The following FZD3 variants were observed in gnomAD, a reference collection of about 807,000 sequenced individuals.
The protein encoded by FZD3 is frizzled-3.
A neutral mutation model predicts 60.7 loss-of-function variants in FZD3; 30 were observed. That is an observed-to-expected ratio of 0.49 (90% CI 0.37 to 0.67). The LOEUF is 0.67. Among genes scored for constraint, FZD3 ranks in the 30% least tolerant of loss-of-function variants. The probability of loss-of-function intolerance (pLI) is 0.00; values close to 1 mark genes in which losing one functional copy is unlikely to be tolerated. For synonymous variants in FZD3, 246 were observed against 275.2 expected (o/e 0.89, Z 1.05); for missense variants, 605 against 838.7 (o/e 0.72, Z 3.44).
intron 7 of FZD3, among the ~76,000 whole-genome samples, chr8:28,562,131 G>A (rs1805623887): frequency 6.6e-6 from 1 of 152,190 alleles, no homozygotes; most frequent in African/African-American, 2.4e-5. Context: ...AGGTTACAGA[G>A]TGTTAGGATG....
intron 5 of FZD3, among the ~76,000 whole-genome samples, chr8:28,531,176 T>A (rs1349231269): frequency 6.7e-6 from 1 of 149,696 alleles, no homozygotes; most frequent in Non-Finnish European, 1.5e-5. Flanking sequence ...ATAAATACGG[T>A]ATTTTTCATT....
At chr8:28,545,154 A>G (rs1427670233) in intron 5 of FZD3, among the ~76,000 whole-genome samples, 1 of 152,226 alleles carries the variant, frequency 6.6e-6, no homozygotes, top group Non-Finnish European at 1.5e-5. Context: ...TTCCAACCAT[A>G]TGTAGCAACC....
chr8:28,524,077 T>C (rs1804654126), intron 4 of FZD3, among the ~76,000 whole-genome samples: 1 of 152,056 alleles, frequency 6.6e-6, no homozygotes, highest in Admixed American at 6.6e-5. Context: ...AAGAAATAAA[T>C]CCCTGGTTTT....
chr8:28,511,208 CG>C (rs1804279601), intron 3 of FZD3, among the ~76,000 whole-genome samples: 1 of 151,888 alleles, frequency 6.6e-6, no homozygotes, highest in Non-Finnish European at 1.5e-5. Context: ...AAAAGTTGGC[CG>C]GGCACAGTGG....
At chr8:28,538,969 G>C (rs1432376460) in intron 5 of FZD3, among the ~76,000 whole-genome samples, 1 of 151,902 alleles carries the variant, frequency 6.6e-6, no homozygotes, top group African/African-American at 2.4e-5. Flanking sequence ...AATAAACATG[G>C]AAATCAGATG....
intron 1 of FZD3, among the ~76,000 whole-genome samples, chr8:28,498,211 A>G (rs1803894549): frequency 6.6e-6 from 1 of 152,178 alleles, no homozygotes. Context: ...ACTGTTGCAT[A>G]GCATTCACTT....
At chr8:28,553,141 C>T (rs1444220949) in intron 6 of FZD3, among the ~76,000 whole-genome samples, 3 of 152,114 alleles carry the variant, frequency 2.0e-5, no homozygotes, top group Non-Finnish European at 4.4e-5. Flanking sequence ...TCTGAGACTG[C>T]TACTAGTGAT....
chr8:28,574,141 G>A lies in FZD3; in HGVS notation c.*11130G>A, dbSNP rs904919931. 3 of 152,138 alleles carry A rather than the reference G, an allele frequency of 2.0e-5. No homozygotes were observed. The highest frequency in any genetic ancestry group is 7.2e-5 in the African/African-American group (3 of 41,454). 9.4% of individuals were successfully genotyped at this position (152,138 alleles called of 1,614,324 possible). ...TTTTGTTTACAGTAGACTGATGTCA[G>A]TTTTTGTAAATGTTTTTTCTTAGCA... is the stretch of plus-strand genomic sequence containing the variant. On this transcript the variant is annotated 3_prime_UTR_variant, in exon 8 of 8. Transcript: ENST00000240093.
rs763583700 is a variant in FZD3 at position 28,562,979 on chromosome 8, C to T, written c.1969C>T (p.Arg657Trp). Residue 657 changes from arginine (R) to tryptophan (W), a missense_variant, in exon 8 of 8, where the codon CGG becomes TGG. Physicochemically the swap from Arg to Trp is moderately radical, Grantham distance 101. Transcript: ENST00000240093. ...THITHGTSMN[R>W]VIEEDGTSA ...TATCACACATGGCACCAGCATGAAT[C>T]GGGTTATTGAAGAAGATGGAACCAG... The T allele has an allele frequency of 3.7e-6, 6 of 1,613,044 alleles. No homozygotes were observed. The highest frequency in any genetic ancestry group is 3.3e-5 in the Admixed American group (2 of 60,018).
chr8:28,500,699 A>G (rs1055283052), intron 2 of FZD3, among the ~76,000 whole-genome samples: 2 of 152,204 alleles, frequency 1.3e-5, no homozygotes, highest in Admixed American at 6.5e-5. Context: ...AGTGATATGC[A>G]TAATTGTTAC....
At position 28,556,691 on chromosome 8, in the gene FZD3, A is replaced by ACT. The variant is rs1259484825; in HGVS notation, c.1787+720_1787+721insCT. ...TATTTGAGTCTGCTGTTGTAGCATG[A>ACT]AAGCAGTCATAGACAATATGTAGTC... On this transcript the variant is annotated intron_variant, in intron 7 of 7. Transcript: ENST00000240093. Among the ~76,000 whole-genome samples the ACT allele has an allele frequency of 4.7e-3, 721 of 152,352 alleles. 24 individuals are homozygous for ACT. In the East Asian group the frequency reaches 0.091, roughly 19 times the overall value.
chr8:28,534,339 C>T (rs1453685235), intron 5 of FZD3, among the ~76,000 whole-genome samples: 1 of 152,158 alleles, frequency 6.6e-6, no homozygotes, highest in Non-Finnish European at 1.5e-5. Flanking sequence ...GTAACTTTTT[C>T]ATCTTTTCAA....
chr8:28,498,285 C>G (rs1803898306), intron 1 of FZD3, among the ~76,000 whole-genome samples: 1 of 151,248 alleles, frequency 6.6e-6, no homozygotes, highest in African/African-American at 2.4e-5. Flanking sequence ...GGTCCCCCCC[C>G]TTTTTTTTTC....
intron 7 of FZD3, among the ~76,000 whole-genome samples, chr8:28,557,986 T>C (rs2130469588): frequency 6.6e-6 from 1 of 152,338 alleles, no homozygotes; most frequent in Non-Finnish European, 1.5e-5. Flanking sequence ...CACTTCTACA[T>C]TGAATAGGAT....
At chr8:28,557,985 A>G (rs904813555) in intron 7 of FZD3, among the ~76,000 whole-genome samples, 4 of 152,236 alleles carry the variant, frequency 2.6e-5, no homozygotes, top group Non-Finnish European at 4.4e-5. Context: ...GCACTTCTAC[A>G]TTGAATAGGA....
At chr8:28,548,908 T>G (rs1397253798) in intron 5 of FZD3, among the ~76,000 whole-genome samples, 1 of 152,230 alleles carries the variant, frequency 6.6e-6, no homozygotes, top group Non-Finnish European at 1.5e-5. Flanking sequence ...AGATCATTTC[T>G]CTTATTAAAT....
intron 4 of FZD3, among the ~76,000 whole-genome samples, chr8:28,522,072 T>C (rs540303625): frequency 6.6e-5 from 10 of 152,154 alleles, no homozygotes; most frequent in African/African-American, 2.4e-4. Flanking sequence ...CAGTGACATT[T>C]AATGAAACCA....
chr8:28,535,176 TA>T (rs1033298219), intron 5 of FZD3, among the ~76,000 whole-genome samples: 33 of 152,334 alleles, frequency 2.2e-4, no homozygotes, highest in African/African-American at 7.9e-4. Context: ...TGGCTGGGTG[TA>T]AAGTATTTTA....
intron 1 of FZD3, among the ~76,000 whole-genome samples, chr8:28,496,276 G>A (rs1284922933): frequency 2.0e-5 from 3 of 152,150 alleles, no homozygotes; most frequent in African/African-American, 7.2e-5. Flanking sequence ...TAGTTTGATA[G>A]TGAAACTCTA....
Sources: allele counts gnomAD v4.1 joint callset (sites outside exome capture counted in the v4.1 genomes callset), GRCh38; gene constraint gnomAD v4.1.1; transcripts MANE v1.5; gene names NCBI Gene and HGNC (gene_info 2026-07-23, HGNC 2026-07-21).